Variants in LEKR1 observed in about 807,000 individuals in gnomAD.
LEKR1 encodes the protein protein LEKR1.
LEKR1 carries 59 observed loss-of-function variants against 72.4 expected under a neutral mutation model. The ratio of observed to expected loss-of-function variants is 0.82; its 90% CI spans 0.66 to 1.01. The LOEUF is 1.01. Among genes scored for constraint, LEKR1 ranks in the 50% least tolerant of loss-of-function variants. LEKR1 has a pLI of 0.00. For synonymous variants in LEKR1, 257 were observed against 263.2 expected (o/e 0.98, Z 0.23); for missense variants, 728 against 759.2 (o/e 0.96, Z 0.48).
chr3:156,966,620 A>G (rs1045539563), intron 6 of LEKR1, among the ~76,000 whole-genome samples: 19 of 152,160 alleles, frequency 1.2e-4, no homozygotes, highest in African/African-American at 4.1e-4. Context: ...TAGGTAAACA[A>G]AGCAGCCAGG....
chr3:156,927,673 A>G, intron 5 of LEKR1, 69 bp downstream of exon 5: 2 of 577,846 alleles, frequency 3.5e-6, no homozygotes, highest in Non-Finnish European at 5.0e-6. Context: ...TAATAAAATA[A>G]TGATATTTCA....
chr3:156,950,342 A>G (rs915317996), intron 6 of LEKR1, among the ~76,000 whole-genome samples: 7 of 151,434 alleles, frequency 4.6e-5, no homozygotes, highest in South Asian at 2.1e-4. Context: ...TTCCATATGA[A>G]TTTTTAAATA....
chr3:156,894,466 A>G (rs1389544797), intron 3 of LEKR1, among the ~76,000 whole-genome samples: 1 of 152,208 alleles, frequency 6.6e-6, no homozygotes, highest in Non-Finnish European at 1.5e-5. Context: ...GCATATTAGC[A>G]TAGTGCTGTA....
intron 10 of LEKR1, among the ~76,000 whole-genome samples, chr3:157,021,267 GA>G (rs1384391839): frequency 2.0e-5 from 3 of 151,962 alleles, no homozygotes; most frequent in Admixed American, 6.5e-5. Flanking sequence ...TTGCTGTGCA[GA>G]AGCTCTTTAG....
At chr3:156,981,770 AATG>A (rs1161677474) in intron 7 of LEKR1, among the ~76,000 whole-genome samples, 1 of 152,224 alleles carries the variant, frequency 6.6e-6, no homozygotes, top group Non-Finnish European at 1.5e-5. Context: ...CCATTTTTGT[AATG>A]ATAAGTTTGA....
chr3:156,908,506 A>G (rs1432869817), intron 3 of LEKR1, among the ~76,000 whole-genome samples: 1 of 152,088 alleles, frequency 6.6e-6, no homozygotes, highest in South Asian at 2.1e-4. Flanking sequence ...CAATACTATC[A>G]TTATTTTATT....
At chr3:156,888,294 C>T in intron 3 of LEKR1, 1 of 701,118 alleles carries the variant, frequency 1.4e-6, no homozygotes, top group Non-Finnish European at 2.6e-6. Flanking sequence ...TCAATCTTAA[C>T]AGCAAAATAT....
At chr3:157,013,198 TCTC>T (rs1733042127) in intron 10 of LEKR1, among the ~76,000 whole-genome samples, 1 of 152,152 alleles carries the variant, frequency 6.6e-6, no homozygotes. Context: ...TCATTCCTCT[TCTC>T]AAACTCCTGA....
chr3:156,924,197 T>G (rs189387142), intron 4 of LEKR1, among the ~76,000 whole-genome samples: 54 of 152,332 alleles, frequency 3.5e-4, no homozygotes, highest in Non-Finnish European at 6.9e-4. Flanking sequence ...TATCTCATTG[T>G]AGCTTTGATT....
chr3:156,992,742 CA>C lies in LEKR1; in HGVS notation c.905+14del, dbSNP rs1731236308. On this transcript the variant is annotated intron_variant, in intron 8 of 12. Coordinates refer to ENST00000356539, the MANE Select transcript of LEKR1 (RefSeq NM_001004316.3). ...ATTTCTGAGTCACAGTATGCATTAC[CA>C]ATTTTTAAATTTATATTTTTAATAA... 1.4e-6 allele frequency: 1 copy of C among 738,970 alleles called. No homozygotes were observed. The highest frequency in any genetic ancestry group is 3.0e-5 in the South Asian group (1 of 33,780). 45.8% of individuals were successfully genotyped at this position (738,970 alleles called of 1,614,324 possible).
chr3:156,861,455 C>T (rs1716753876), intron 3 of LEKR1, among the ~76,000 whole-genome samples: 1 of 152,062 alleles, frequency 6.6e-6, no homozygotes, highest in Admixed American at 6.6e-5. Flanking sequence ...GGGCCTACTT[C>T]CTAGGGAACT....
intron 10 of LEKR1, among the ~76,000 whole-genome samples, chr3:157,024,464 G>A (rs1052160836): frequency 1.3e-5 from 2 of 152,128 alleles, no homozygotes; most frequent in Non-Finnish European, 1.5e-5. Context: ...CAAGGACTGA[G>A]TTCACAGTAT....
At chr3:156,883,886 C>T (rs1298879779) in intron 3 of LEKR1, among the ~76,000 whole-genome samples, 2 of 152,150 alleles carry the variant, frequency 1.3e-5, no homozygotes, top group African/African-American at 4.8e-5. Context: ...TACTGAAGTC[C>T]TCAACTATTA....
chr3:156,959,263 C>A (rs1016586638), intron 6 of LEKR1, among the ~76,000 whole-genome samples: 2 of 152,066 alleles, frequency 1.3e-5, no homozygotes, highest in Admixed American at 6.6e-5. Context: ...TTCTTTTGTC[C>A]TGTTTTTAAG....
At chr3:156,887,395 G>A (rs1720217217) in intron 3 of LEKR1, among the ~76,000 whole-genome samples, 1 of 152,070 alleles carries the variant, frequency 6.6e-6, no homozygotes, top group Admixed American at 6.5e-5. Flanking sequence ...TAGGCAGAGT[G>A]TGGGGCGCAC....
At chr3:156,875,697 T>C (rs1291722928) in intron 3 of LEKR1, among the ~76,000 whole-genome samples, 1 of 152,032 alleles carries the variant, frequency 6.6e-6, no homozygotes, top group Non-Finnish European at 1.5e-5. Context: ...AGTTGATTTT[T>C]GTAAAGGTAA....
chr3:156,954,479 T>G (rs11928091), intron 6 of LEKR1, among the ~76,000 whole-genome samples: 9,797 of 152,188 alleles, frequency 0.064, 362 homozygotes, highest in South Asian at 0.12. Context: ...TCTAGGGTTT[T>G]TATAGCTTTG....
intron 9 of LEKR1, among the ~76,000 whole-genome samples, chr3:156,997,962 T>C (rs1242400742): frequency 6.6e-6 from 1 of 152,212 alleles, no homozygotes; most frequent in Non-Finnish European, 1.5e-5. Context: ...TCTCGAATCA[T>C]GGGATTCTGC....
At chr3:157,029,454 G>T (rs1734444774) in intron 12 of LEKR1, among the ~76,000 whole-genome samples, 1 of 152,140 alleles carries the variant, frequency 6.6e-6, no homozygotes, top group Non-Finnish European at 1.5e-5. Flanking sequence ...GTGGAGCCAA[G>T]ATTCAAATTC....
Sources: allele counts gnomAD v4.1 joint callset (sites outside exome capture counted in the v4.1 genomes callset), GRCh38; gene constraint gnomAD v4.1.1; transcripts MANE v1.5; gene names NCBI Gene and HGNC (gene_info 2026-07-23, HGNC 2026-07-21).